The following LRMDA variants were observed in gnomAD, a reference collection of about 807,000 sequenced individuals.
The protein encoded by LRMDA is leucine-rich melanocyte differentiation-associated protein.
Under a neutral mutation model 29.8 loss-of-function variants are expected in LRMDA, and 18 were observed. The ratio of observed to expected loss-of-function variants is 0.60; its 90% CI spans 0.42 to 0.90. The LOEUF (loss-of-function observed/expected upper bound fraction) is 0.90, where lower values mean the gene tolerates loss of function less well. Ranked by LOEUF, LRMDA falls within the 40% of genes least tolerant of loss-of-function variation. LRMDA has a pLI of 0.00. For synonymous variants in LRMDA, 125 were observed against 109.4 expected (o/e 1.14, Z -0.89); for missense variants, 273 against 273.9 (o/e 1.00, Z 0.02).
At chr10:76,065,502 G>A (rs996623701) in intron 5 of LRMDA, among the ~76,000 whole-genome samples, 4 of 152,216 alleles carry the variant, frequency 2.6e-5, no homozygotes, top group African/African-American at 7.2e-5. Flanking sequence ...CCTCTGGCTT[G>A]CCCAGCTCCC....
chr10:75,997,467 A>ATT (rs11314151), intron 2 of LRMDA, among the ~76,000 whole-genome samples: 2,947 of 141,886 alleles, frequency 0.021, 28 homozygotes, highest in Middle Eastern at 0.04. Context: ...ACATACATCT[A>ATT]TTTTTTTTTT....
chr10:76,356,763 A>G (rs1004207779), intron 6 of LRMDA, among the ~76,000 whole-genome samples: 6 of 152,120 alleles, frequency 3.9e-5, no homozygotes, highest in Non-Finnish European at 8.8e-5. Flanking sequence ...TTATCATCTT[A>G]TGTTTTTAAA....
intron 6 of LRMDA, among the ~76,000 whole-genome samples, chr10:76,373,818 C>G (rs1457771489): frequency 6.6e-6 from 1 of 152,088 alleles, no homozygotes; most frequent in Non-Finnish European, 1.5e-5. Flanking sequence ...AGTATTTATT[C>G]TGAATAACAT....
intron 5 of LRMDA, among the ~76,000 whole-genome samples, chr10:76,220,924 T>C (rs1851820997): frequency 6.6e-6 from 1 of 152,006 alleles, no homozygotes; most frequent in Non-Finnish European, 1.5e-5. Flanking sequence ...TTATCCACCA[T>C]GATCAAGTGG....
chr10:76,303,684 G>A (rs1006974266), intron 5 of LRMDA, among the ~76,000 whole-genome samples: 4 of 149,794 alleles, frequency 2.7e-5, no homozygotes, highest in African/African-American at 9.8e-5. Flanking sequence ...AGCTGGATGA[G>A]TTGAATTCCC....
intron 5 of LRMDA, among the ~76,000 whole-genome samples, chr10:76,206,420 A>ATAAT (rs2132239418): frequency 6.6e-6 from 1 of 152,278 alleles, no homozygotes; most frequent in African/African-American, 2.4e-5. Flanking sequence ...TATGCCTCTA[A>ATAAT]TAAATTACAG....
intron 2 of LRMDA, among the ~76,000 whole-genome samples, chr10:75,460,648 A>C (rs930722384): frequency 9.9e-5 from 15 of 152,224 alleles, no homozygotes; most frequent in African/African-American, 3.4e-4. Flanking sequence ...TACCAAAGGA[A>C]ATAATCCATA....
intron 2 of LRMDA, among the ~76,000 whole-genome samples, chr10:75,898,442 C>G (rs1225880035): frequency 6.6e-6 from 1 of 152,114 alleles, no homozygotes; most frequent in African/African-American, 2.4e-5. Context: ...TGAATCCTCA[C>G]CAGCTCTCTG....
intron 2 of LRMDA, among the ~76,000 whole-genome samples, chr10:75,661,502 A>G (rs1028222049): frequency 3.3e-5 from 5 of 152,140 alleles, no homozygotes; most frequent in Non-Finnish European, 7.4e-5. Flanking sequence ...TGGTCCAGGG[A>G]CCGTACTTTG....
chr10:75,499,661 G>C (rs1845089804), intron 2 of LRMDA, among the ~76,000 whole-genome samples: 1 of 152,218 alleles, frequency 6.6e-6, no homozygotes, highest in African/African-American at 2.4e-5. Flanking sequence ...CCAAAACTTG[G>C]GCTGGGAGTT....
chr10:76,517,433 G>A (rs1843073375), intron 6 of LRMDA, among the ~76,000 whole-genome samples: 1 of 152,098 alleles, frequency 6.6e-6, no homozygotes, highest in Admixed American at 6.5e-5. Flanking sequence ...GGAAGCAGTG[G>A]AATTATATTT....
At chr10:75,456,645 G>T (rs1228976527) in intron 2 of LRMDA, among the ~76,000 whole-genome samples, 1 of 152,154 alleles carries the variant, frequency 6.6e-6, no homozygotes, top group Non-Finnish European at 1.5e-5. Flanking sequence ...TCTAACCTGG[G>T]AATTCTTCTT....
intron 5 of LRMDA, among the ~76,000 whole-genome samples, chr10:76,144,135 A>G (rs565007550): frequency 6.6e-6 from 1 of 152,298 alleles, no homozygotes; most frequent in South Asian, 2.1e-4. Context: ...TGATGCCTCC[A>G]GCTTTGTTCT....
intron 5 of LRMDA, among the ~76,000 whole-genome samples, chr10:76,097,650 G>A (rs1441672656): frequency 7.2e-5 from 11 of 152,078 alleles, no homozygotes; most frequent in Admixed American, 7.2e-4. Context: ...TTTGTCAAAT[G>A]TTTTTCTGCA....
chr10:76,349,299 G>A (rs955465432), intron 6 of LRMDA, among the ~76,000 whole-genome samples: 3 of 152,142 alleles, frequency 2.0e-5, no homozygotes, highest in African/African-American at 7.2e-5. Context: ...GTAGTCATAG[G>A]CAATATGGAA....
intron 2 of LRMDA, among the ~76,000 whole-genome samples, chr10:75,505,307 A>G (rs1252107576): frequency 6.6e-6 from 1 of 152,212 alleles, no homozygotes; most frequent in East Asian, 1.9e-4. Context: ...TGTCCTTAGC[A>G]TGGTTATAGC....
At chr10:76,368,074 G>A (rs1028651361) in intron 6 of LRMDA, among the ~76,000 whole-genome samples, 9 of 151,874 alleles carry the variant, frequency 5.9e-5, no homozygotes, top group African/African-American at 2.2e-4. Flanking sequence ...TTTATCTTTT[G>A]TATTATTTTT....
chr10:75,949,002 T>TTG (rs916543409), intron 2 of LRMDA, among the ~76,000 whole-genome samples: 6 of 151,802 alleles, frequency 4.0e-5, no homozygotes, highest in African/African-American at 9.7e-5. Flanking sequence ...TTCTAAGCTT[T>TTG]TGTGTGTGTG....
At chr10:75,789,876 G>T (rs1228967194) in intron 2 of LRMDA, among the ~76,000 whole-genome samples, 1 of 152,144 alleles carries the variant, frequency 6.6e-6, no homozygotes, top group African/African-American at 2.4e-5. Flanking sequence ...AAGCAGCATA[G>T]AGAAGAAAAG....
Sources: gnomAD v4.1 joint callset for allele counts (sites outside exome capture counted in the v4.1 genomes callset) on GRCh38, gnomAD v4.1.1 for gene constraint, MANE v1.5 for transcripts, NCBI Gene and HGNC (gene_info 2026-07-23, HGNC 2026-07-21) for gene names.